Variants in PITPNB observed in about 807,000 individuals in gnomAD.
PITPNB encodes phosphatidylinositol transfer protein beta.
In PITPNB, 16 loss-of-function variants were observed where a neutral mutation model predicts 45.9. That is an observed-to-expected ratio of 0.35 (90% CI 0.24 to 0.53). The LOEUF (loss-of-function observed/expected upper bound fraction) is 0.53. Among genes scored for constraint, PITPNB ranks in the 20% least tolerant of loss-of-function variants. The pLI, the probability that PITPNB is intolerant of heterozygous loss-of-function variation, is 0.93. For missense variants in PITPNB, 188 were observed against 330.5 expected (o/e 0.57, Z 3.34); for synonymous variants, 112 against 108.9 (o/e 1.03, Z -0.18).
chr22:27,877,162 ACT>A (rs1433057493), intron 7 of PITPNB, among the ~76,000 whole-genome samples: 1 of 152,264 alleles, frequency 6.6e-6, no homozygotes, highest in Non-Finnish European at 1.5e-5. Flanking sequence ...GCTAAAGTGC[ACT>A]GTGTTTAAAA....
Position 27,919,039 on chromosome 22 carries a change from A to AGGGAGGGGGCGCCC in PITPNB, c.20+119_20+132dup, listed in dbSNP as rs1936189277. On this transcript the variant is annotated intron_variant, in intron 1 of 11. Transcript: ENST00000335272. ...TGAGGGGCTTCGAAGGGGCCGGGGG[A>AGGGAGGGGGCGCCC]GGGAGGGGGCGCCCGCAGGGAGGGG... The AGGGAGGGGGCGCCC allele has an allele frequency of 3.9e-6, 5 of 1,280,034 alleles. No homozygotes were observed. The East Asian group carries it at 1.3e-4, about 33-fold the overall frequency. 79.3% of individuals were successfully genotyped at this position (1,280,034 alleles called of 1,614,324 possible).
Position 27,853,390 on chromosome 22 carries a change from C to A in PITPNB, c.*312G>T. On this transcript the variant is annotated 3_prime_UTR_variant, in exon 12 of 12. Coordinates refer to ENST00000335272, the MANE Select transcript of PITPNB (RefSeq NM_012399.5). ...ATTCTTGCTGAAGATAGGTACAGTACTTTGGAGAAATTGTACTAATCCCTT... is the reference window on the plus strand; with the variant it reads ...ATTCTTGCTGAAGATAGGTACAGTAATTTGGAGAAATTGTACTAATCCCTT... 2.1e-6 allele frequency: 1 copy of A among 482,778 alleles called. No homozygotes were observed. The highest frequency in any genetic ancestry group is 3.1e-5 in the East Asian group (1 of 31,898). The allele number at this position is 482,778 out of a possible 1,614,324, so 29.9% of individuals were successfully genotyped here. A position where few individuals can be genotyped will look rare whatever the true frequency, so the allele number is the denominator to read the frequency against.
intron 2 of PITPNB, among the ~76,000 whole-genome samples, chr22:27,911,901 T>C (rs754159692): frequency 5.9e-5 from 9 of 152,224 alleles, no homozygotes; most frequent in African/African-American, 1.4e-4. Flanking sequence ...CCTCCATCAA[T>C]ACCTGTAAGT....
In PITPNB at chr22:27,899,471, C is replaced by T. The variant is rs990896383; in HGVS notation, c.198-1579G>A. 8.5e-5 allele frequency among the ~76,000 whole-genome samples: 13 copies of T among 152,070 alleles called. No individual in the cohort carries two copies. In the East Asian group the frequency reaches 1.9e-3, roughly 23 times the overall value. On this transcript the variant is annotated intron_variant, in intron 3 of 11. Transcript: ENST00000335272. ...CCGAATAGCTGGGGGTACAGGCGCC[C>T]GCCACTAGGCCCGGCTAATTTTTTT...
rs962311919 is a variant in PITPNB at position 27,910,987 on chromosome 22, C to A, written c.174G>T (p.Thr58=). 2.5e-6 allele frequency: 4 copies of A among 1,612,774 alleles called. No homozygotes were observed. The highest frequency in any genetic ancestry group is 1.7e-6 in the Non-Finnish European group (2 of 1,178,854). The change falls in exon 3 of 12, where the codon ACG becomes ACT. Residue 58 remains threonine (T), a synonymous_variant. Transcript: ENST00000335272. ...ACCTCTTTAGGTGATAAATTTTGTG[C>A]GTATACTGTCCCTTTTCTCCATCCT... ...YEKDGEKGQY[T]HKIYHLKSKV... is the part of the protein sequence containing the mutation.
chr22:27,886,709 T>C (rs1935131149), intron 7 of PITPNB, among the ~76,000 whole-genome samples: 1 of 152,208 alleles, frequency 6.6e-6, no homozygotes. Flanking sequence ...TGTATTACAT[T>C]CACCTGCAGT....
intron 3 of PITPNB, among the ~76,000 whole-genome samples, chr22:27,900,769 G>C (rs1007790783): frequency 6.6e-6 from 1 of 152,072 alleles, no homozygotes; most frequent in Non-Finnish European, 1.5e-5. Flanking sequence ...ATATAATTGA[G>C]AGCATATACA....
At chr22:27,869,562 G>A (rs1934589526) in intron 8 of PITPNB, among the ~76,000 whole-genome samples, 1 of 152,082 alleles carries the variant, frequency 6.6e-6, no homozygotes, top group South Asian at 2.1e-4. Flanking sequence ...GAACCCGGAT[G>A]TGTTTAACAA....
At chr22:27,892,323 A>G (rs1417003581) in intron 7 of PITPNB, among the ~76,000 whole-genome samples, 4 of 152,074 alleles carry the variant, frequency 2.6e-5, no homozygotes, top group Non-Finnish European at 4.4e-5. Context: ...AACACTGCCC[A>G]TTTTCGCCTG....
chr22:27,907,918 G>A (rs1325721854), intron 3 of PITPNB, among the ~76,000 whole-genome samples: 3 of 151,812 alleles, frequency 2.0e-5, no homozygotes, highest in African/African-American at 7.3e-5. Context: ...TAAAACCACA[G>A]GGTACTCCGC....
rs1487914221 is a variant in PITPNB, at chr22:27,853,189, G to A, written c.*513C>T. 1.3e-5 allele frequency: 2 copies of A among 156,714 alleles called. No homozygotes were observed. Among genetic ancestry groups the A allele is most frequent in the African/African-American group, 4.8e-5 (2 of 41,656 alleles). 9.7% of individuals were successfully genotyped at this position (156,714 alleles called of 1,614,324 possible). A position where few individuals can be genotyped will look rare whatever the true frequency, so the allele number is the denominator to read the frequency against. On this transcript the variant is annotated 3_prime_UTR_variant, in exon 12 of 12. Coordinates refer to ENST00000335272, the MANE Select transcript of PITPNB (RefSeq NM_012399.5). ...TGGGACTAAAAAAAAATTTATAACA[G>A]ACTGACTTAAAAGAAGAGAAAAATA...
At chr22:27,862,028 G>A (rs918392164) in intron 8 of PITPNB, among the ~76,000 whole-genome samples, 4 of 152,042 alleles carry the variant, frequency 2.6e-5, no homozygotes, top group Non-Finnish European at 4.4e-5. Flanking sequence ...CCTCTCCCAC[G>A]GGCTCTTCCC....
intron 7 of PITPNB, among the ~76,000 whole-genome samples, chr22:27,877,463 A>G (rs1934851962): frequency 6.6e-6 from 1 of 152,252 alleles, no homozygotes; most frequent in African/African-American, 2.4e-5. Flanking sequence ...TGGATTACTG[A>G]GTCTCCACAC....
At chr22:27,912,512 A>G (rs1935955023) in intron 2 of PITPNB, among the ~76,000 whole-genome samples, 1 of 152,156 alleles carries the variant, frequency 6.6e-6, no homozygotes, top group Admixed American at 6.6e-5. Context: ...CAAAAGATAA[A>G]TTTCATTTTG....
At chr22:27,880,563 C>T (rs1367082032) in intron 7 of PITPNB, among the ~76,000 whole-genome samples, 1 of 152,042 alleles carries the variant, frequency 6.6e-6, no homozygotes, top group African/African-American at 2.4e-5. Flanking sequence ...TAGGAATAAA[C>T]CTTAAATTAA....
intron 1 of PITPNB, 48 bp from the exon 2 acceptor site, chr22:27,914,395 T>C (rs2146432542): frequency 8.9e-7 from 1 of 1,126,590 alleles, no homozygotes; most frequent in South Asian, 1.3e-5. Context: ...GAAATAGCTT[T>C]AAACACAGAT....
intron 2 of PITPNB, among the ~76,000 whole-genome samples, chr22:27,911,477 T>A (rs968797740): frequency 1.4e-4 from 21 of 152,222 alleles, no homozygotes; most frequent in Admixed American, 1.4e-3. Context: ...TATTTCTCAT[T>A]TAACTTCACA....
intron 10 of PITPNB, among the ~76,000 whole-genome samples, chr22:27,857,023 G>A (rs1354145363): frequency 1.3e-5 from 2 of 152,172 alleles, no homozygotes; most frequent in Non-Finnish European, 1.5e-5. Context: ...GCCTATTTAA[G>A]TGTTTTGCCT....
intron 7 of PITPNB, among the ~76,000 whole-genome samples, chr22:27,888,468 A>T (rs1454274408): frequency 6.6e-6 from 1 of 152,184 alleles, no homozygotes; most frequent in Non-Finnish European, 1.5e-5. Flanking sequence ...ATCCCTTGCC[A>T]ACCCAGGTGT....
Sources: gnomAD v4.1 joint callset for allele counts (sites outside exome capture counted in the v4.1 genomes callset) on GRCh38, gnomAD v4.1.1 for gene constraint, MANE v1.5 for transcripts, NCBI Gene and HGNC (gene_info 2026-07-23, HGNC 2026-07-21) for gene names.